The following DCC variants were observed in gnomAD, a reference collection of about 807,000 sequenced individuals.
DCC encodes the protein netrin receptor DCC.
In DCC, 58 loss-of-function variants were observed where a neutral mutation model predicts 172.5. That is an observed-to-expected ratio of 0.34 (90% CI 0.27 to 0.42). DCC has a LOEUF of 0.42. Among genes scored for constraint, DCC ranks in the 10% least tolerant of loss-of-function variants. The probability of loss-of-function intolerance (pLI) is 1.00; values close to 1 mark genes in which losing one functional copy is unlikely to be tolerated. For missense variants in DCC, 1,740 were observed against 1,791.0 expected, an observed-to-expected ratio of 0.97 and a Z score of 0.51; for synonymous variants, 709 against 644.5, an observed-to-expected ratio of 1.10 and a Z score of -1.52.
chr18:52,861,934 T>A (rs2145362955), intron 2 of DCC, among the ~76,000 whole-genome samples: 1 of 152,210 alleles, frequency 6.6e-6, no homozygotes, highest in Non-Finnish European at 1.5e-5. Context: ...AAGCAATAAT[T>A]TTCTGTGAAT....
At chr18:52,875,854 C>CTGTA (rs202130583) in intron 2 of DCC, among the ~76,000 whole-genome samples, 2,399 of 152,308 alleles carry the variant, frequency 0.016, 44 homozygotes, top group African/African-American at 0.041. Context: ...CACACAGAGG[C>CTGTA]TGGTTCCTGG....
chr18:52,791,845 A>G (rs2037777494), intron 2 of DCC, among the ~76,000 whole-genome samples: 1 of 152,124 alleles, frequency 6.6e-6, no homozygotes, highest in South Asian at 2.1e-4. Context: ...ACCCTTACTA[A>G]TTAAGTACTA....
chr18:52,919,948 G>A (rs1017325353), intron 3 of DCC, among the ~76,000 whole-genome samples: 41 of 144,860 alleles, frequency 2.8e-4, no homozygotes, highest in African/African-American at 9.2e-4. Flanking sequence ...TGATCTTTGA[G>A]CAAAATCAAG....
chr18:52,923,738 G>T lies in DCC; in HGVS notation c.729G>T (p.Leu243=), dbSNP rs779938904. The T allele has an allele frequency of 5.6e-6, 9 of 1,610,966 alleles. No individual in the cohort carries two copies. In the East Asian group the frequency reaches 2.0e-4, roughly 36 times the overall value. ...GACTGCATAGACAGCTGTATTTTCTGCAAAGACCATCCAATGTAGTAGCCA... is the reference window on the plus strand; with the variant it reads ...GACTGCATAGACAGCTGTATTTTCTTCAAAGACCATCCAATGTAGTAGCCA... The part of the protein sequence containing the change: ...DPGLHRQLYF[L]QRPSNVVAIE... The change falls in exon 4 of 29, where the codon CTG becomes CTT. Residue 243 remains leucine (L), a synonymous_variant. Transcript: ENST00000442544.
intron 1 of DCC, among the ~76,000 whole-genome samples, chr18:52,487,853 A>C (rs2030305868): frequency 6.6e-6 from 1 of 150,882 alleles, no homozygotes; most frequent in Non-Finnish European, 1.5e-5. Flanking sequence ...GAAGCACACT[A>C]ATGCCCACTG....
chr18:52,942,302 T>C (rs908669669), intron 5 of DCC, among the ~76,000 whole-genome samples: 1 of 152,218 alleles, frequency 6.6e-6, no homozygotes, highest in Middle Eastern at 3.2e-3. Context: ...TTCAAGTTTG[T>C]TCAACTCATG....
chr18:52,504,861 C>A (rs1348291298), intron 1 of DCC, among the ~76,000 whole-genome samples: 1 of 152,154 alleles, frequency 6.6e-6, no homozygotes, highest in Non-Finnish European at 1.5e-5. Flanking sequence ...CTACAGCAAT[C>A]CGACAATTCT....
chr18:53,311,464 G>A (rs2057268168), intron 13 of DCC, among the ~76,000 whole-genome samples: 1 of 152,154 alleles, frequency 6.6e-6, no homozygotes, highest in Admixed American at 6.5e-5. Flanking sequence ...GGTCTGGAGG[G>A]TGGTATGGCT....
At chr18:53,035,748 A>G (rs573323697) in intron 5 of DCC, among the ~76,000 whole-genome samples, 59 of 152,142 alleles carry the variant, frequency 3.9e-4, no homozygotes, top group Non-Finnish European at 7.1e-4. Flanking sequence ...AGACTGCACT[A>G]TCATTTTTAT....
chr18:53,530,252 G>C, intron 28 of DCC: 1 of 686,976 alleles, frequency 1.5e-6, no homozygotes, highest in East Asian at 2.7e-5. Flanking sequence ...TATCAGAGAG[G>C]TGCACTCACT....
chr18:53,220,268 G>T (rs965550259), intron 12 of DCC, among the ~76,000 whole-genome samples: 2 of 152,094 alleles, frequency 1.3e-5, no homozygotes, highest in African/African-American at 2.4e-5. Flanking sequence ...AGGGGTTTCA[G>T]TTCACACACC....
At chr18:53,506,856 T>C (rs902207152) in intron 27 of DCC, among the ~76,000 whole-genome samples, 5 of 58,664 alleles carry the variant, frequency 8.5e-5, no homozygotes, top group Non-Finnish European at 7.7e-5. Context: ...AGAGACTCCA[T>C]CTCAAAAAAA....
At chr18:53,375,008 A>AT (rs1162450693) in intron 15 of DCC, among the ~76,000 whole-genome samples, 1 of 152,126 alleles carries the variant, frequency 6.6e-6, no homozygotes, top group Non-Finnish European at 1.5e-5. Context: ...CCATGGGTGG[A>AT]TTGGAAAGTA....
intron 2 of DCC, among the ~76,000 whole-genome samples, chr18:52,794,160 T>G (rs552153156): frequency 7.3e-5 from 11 of 151,330 alleles, no homozygotes; most frequent in East Asian, 5.8e-4. Flanking sequence ...TAAATTTTAG[T>G]TTTTTTTTAT....
rs869070422 is a variant in DCC, at chr18:53,023,401, C to CAAAAAAAAAAAAAAAAAAAA, written c.986-39895_986-39876dup. ...GGACAAACACATATATAACTCAGAC[C>CAAAAAAAAAAAAAAAAAAAA]AAAAAAAAAAAAAAAAAAAAAAAAA... On this transcript the variant is annotated intron_variant, in intron 5 of 28. Transcript: ENST00000442544. Among the ~76,000 whole-genome samples, 10 of 24,426 alleles carry CAAAAAAAAAAAAAAAAAAAA rather than the reference C, an allele frequency of 4.1e-4. 4 individuals are homozygous for CAAAAAAAAAAAAAAAAAAAA. The highest frequency in any genetic ancestry group is 4.0e-3 in the East Asian group (2 of 504). 16.0% of individuals were successfully genotyped at this position (24,426 alleles called of 152,430 possible).
rs551621908 is a variant in DCC at position 52,711,883 on chromosome 18, A to G, written c.92-40171A>G. On this transcript the variant is annotated intron_variant, in intron 1 of 28. Transcript: ENST00000442544. ...CCCTGACTTTTCTGTATCTCCAACT[A>G]GAACAAACCACTTTCTATGTGTACA... 2.6e-5 allele frequency among the ~76,000 whole-genome samples: 4 copies of G among 152,292 alleles called. No individual in the cohort carries two copies. The East Asian group carries it at 7.7e-4, about 29-fold the overall frequency.
At chr18:53,302,899 C>A (rs2057157590) in intron 12 of DCC, among the ~76,000 whole-genome samples, 2 of 152,186 alleles carry the variant, frequency 1.3e-5, no homozygotes, top group Admixed American at 1.3e-4. Context: ...CCCCTCCCCA[C>A]TCTCCATGAG....
intron 7 of DCC, among the ~76,000 whole-genome samples, chr18:53,085,251 A>G (rs2042861188): frequency 6.6e-6 from 1 of 152,196 alleles, no homozygotes; most frequent in Non-Finnish European, 1.5e-5. Context: ...ATAAACATCT[A>G]AAGGAAGAAT....
rs868005673 is a variant in DCC, at chr18:53,387,572, G to C, written c.2455+1434G>C. The stretch of plus-strand genomic sequence containing the variant: ...AACGTGTTATCTCCAAATATAGAAA[G>C]ATGAGAAAACTTGAGGTTTGGGTTA... On this transcript the variant is annotated intron_variant, in intron 16 of 28. Transcript: ENST00000442544. Among the ~76,000 whole-genome samples the C allele has an allele frequency of 4.6e-5, 7 of 152,188 alleles. No individual in the cohort carries two copies. In the South Asian group the frequency reaches 8.3e-4, roughly 18 times the overall value.
Sources: allele counts gnomAD v4.1 joint callset (sites outside exome capture counted in the v4.1 genomes callset), GRCh38; gene constraint gnomAD v4.1.1; transcripts MANE v1.5; gene names NCBI Gene and HGNC (gene_info 2026-07-23, HGNC 2026-07-21).